DLGAP1: variants seen among roughly 807,000 people sequenced by gnomAD.
DLGAP1 encodes the protein disks large-associated protein 1.
DLGAP1 carries 11 observed loss-of-function variants against 90.8 expected under a neutral mutation model. The observed-to-expected ratio is 0.12, with a 90% confidence interval of 0.08 to 0.20. The LOEUF is 0.20. Ranked by LOEUF, DLGAP1 falls within the 10% of genes least tolerant of loss-of-function variation. DLGAP1 has a pLI of 1.00. For synonymous variants in DLGAP1, 558 were observed against 540.7 expected (o/e 1.03, Z -0.44); for missense variants, 1,050 against 1,333.8 (o/e 0.79, Z 3.31).
Position 3,531,998 on chromosome 18 carries a change from G to T in DLGAP1, c.2479+2196C>A, listed in dbSNP as rs2052036171. Among the ~76,000 whole-genome samples, 3 of 152,174 alleles carry T rather than the reference G, an allele frequency of 2.0e-5. No individual in the cohort carries two copies. In the South Asian group the frequency reaches 6.2e-4, roughly 32 times the overall value. The stretch of plus-strand genomic sequence containing the variant: ...GCCTCCTAAGTAGCTGGGATTACAG[G>T]CGTGTGCCATTGCACCTGGCTAATT... On this transcript the variant is annotated intron_variant, in intron 10 of 12. Coordinates refer to ENST00000315677, the MANE Select transcript of DLGAP1 (RefSeq NM_004746.4).
chr18:3,677,954 C>T (rs12970943), intron 7 of DLGAP1, among the ~76,000 whole-genome samples: 41 of 128,366 alleles, frequency 3.2e-4, no homozygotes, highest in South Asian at 5.3e-4. Context: ...CCACTGTGCC[C>T]GGTGGGTTTT....
At chr18:3,753,260 C>T (rs2063576615) in intron 5 of DLGAP1, among the ~76,000 whole-genome samples, 2 of 152,280 alleles carry the variant, frequency 1.3e-5, no homozygotes, top group South Asian at 4.2e-4. Context: ...ATGCCCATTG[C>T]CCTGCTCCCC....
chr18:3,849,210 A>G (rs1173759980), intron 4 of DLGAP1, among the ~76,000 whole-genome samples: 1 of 152,156 alleles, frequency 6.6e-6, no homozygotes, highest in Non-Finnish European at 1.5e-5. Flanking sequence ...GCGATTATCT[A>G]ATCTCTTCTG....
chr18:4,267,911 T>G (rs956654774), intron 1 of DLGAP1, among the ~76,000 whole-genome samples: 1 of 152,314 alleles, frequency 6.6e-6, no homozygotes, highest in Admixed American at 6.5e-5. Context: ...AAATATACGA[T>G]GCAGTGCCTT....
At chr18:4,259,957 A>G (rs533633631) in intron 1 of DLGAP1, among the ~76,000 whole-genome samples, 1 of 152,278 alleles carries the variant, frequency 6.6e-6, no homozygotes, top group Non-Finnish European at 1.5e-5. Context: ...ATTCTAGTCT[A>G]TAATATGGAC....
chr18:3,767,777 T>C (rs902409506), intron 5 of DLGAP1, among the ~76,000 whole-genome samples: 6 of 152,108 alleles, frequency 3.9e-5, no homozygotes, highest in Non-Finnish European at 5.9e-5. Context: ...TATCTTCAAT[T>C]TGATAAGGAA....
intron 2 of DLGAP1, among the ~76,000 whole-genome samples, chr18:4,026,649 A>G (rs1399440689): frequency 6.6e-6 from 1 of 152,156 alleles, no homozygotes. Flanking sequence ...TCACATCATA[A>G]TCTGTGAAGT....
At chr18:4,156,042 T>C (rs1297169703) in intron 1 of DLGAP1, among the ~76,000 whole-genome samples, 2 of 152,122 alleles carry the variant, frequency 1.3e-5, no homozygotes, top group Admixed American at 1.3e-4. Context: ...GATTGGGTGA[T>C]TAGGGTGAGA....
At chr18:4,406,228 T>G (rs11081104) in intron 1 of DLGAP1, among the ~76,000 whole-genome samples, 152,267 of 152,282 alleles carry the variant, frequency 1, 76,126 homozygotes, top group Middle Eastern at 1. Context: ...GTTGTGGGAG[T>G]GGACCAATCA....
intron 3 of DLGAP1, among the ~76,000 whole-genome samples, chr18:3,981,233 C>T (rs1266434783): frequency 6.6e-6 from 1 of 152,222 alleles, no homozygotes; most frequent in Non-Finnish European, 1.5e-5. Context: ...TGCACTTGCT[C>T]CACTGTCACC....
intron 10 of DLGAP1, among the ~76,000 whole-genome samples, chr18:3,523,648 C>G (rs570191790): frequency 1.3e-5 from 2 of 151,770 alleles, no homozygotes; most frequent in Admixed American, 6.6e-5. Flanking sequence ...GAGATCGAGA[C>G]CATCCTGGCT....
At chr18:4,275,211 C>T (rs914911258) in intron 1 of DLGAP1, 7 of 152,050 alleles carry the variant, frequency 4.6e-5, no homozygotes, top group South Asian at 2.1e-4. Context: ...TGACCAGTAC[C>T]GTCCCATTTG....
chr18:4,033,273 C>T (rs1306924121), intron 2 of DLGAP1, among the ~76,000 whole-genome samples: 1 of 151,910 alleles, frequency 6.6e-6, no homozygotes, highest in Non-Finnish European at 1.5e-5. Flanking sequence ...AGTTCCTACT[C>T]AGAGCTGGAA....
At chr18:4,431,158 C>G in intron 1 of DLGAP1, 1 of 152,752 alleles carries the variant, frequency 6.5e-6, no homozygotes, top group Non-Finnish European at 1.5e-5. Flanking sequence ...AAAGGACAAA[C>G]GGAATGAGAA....
At chr18:3,560,681 G>A (rs894904266) in intron 9 of DLGAP1, among the ~76,000 whole-genome samples, 4 of 150,200 alleles carry the variant, frequency 2.7e-5, no homozygotes, top group African/African-American at 1.0e-4. Context: ...AAAGGGTTAA[G>A]CTGATTATTT....
chr18:3,861,866 T>C (rs1428264992), intron 4 of DLGAP1, among the ~76,000 whole-genome samples: 1 of 152,244 alleles, frequency 6.6e-6, no homozygotes, highest in East Asian at 1.9e-4. Flanking sequence ...AATGGCATTG[T>C]TCTGATTTGT....
intron 2 of DLGAP1, among the ~76,000 whole-genome samples, chr18:4,136,601 T>A (rs950303762): frequency 3.3e-5 from 5 of 152,234 alleles, no homozygotes; most frequent in Admixed American, 6.5e-5. Context: ...GATATTTTCC[T>A]ATAGATTTGC....
At chr18:3,719,416 G>C (rs1386068087) in intron 7 of DLGAP1, among the ~76,000 whole-genome samples, 1 of 151,776 alleles carries the variant, frequency 6.6e-6, no homozygotes, top group Non-Finnish European at 1.5e-5. Context: ...AAATTAGCCG[G>C]GTGTGGTGGC....
At chr18:3,917,111 G>T (rs2072162192) in intron 3 of DLGAP1, among the ~76,000 whole-genome samples, 1 of 152,166 alleles carries the variant, frequency 6.6e-6, no homozygotes, top group Non-Finnish European at 1.5e-5. Flanking sequence ...TAATGTAAAT[G>T]GTCTGAGCAC....
Sources: allele counts gnomAD v4.1 joint callset (sites outside exome capture counted in the v4.1 genomes callset), GRCh38; gene constraint gnomAD v4.1.1; transcripts MANE v1.5; gene names NCBI Gene and HGNC (gene_info 2026-07-23, HGNC 2026-07-21).